The following TANC2 variants were observed in gnomAD, a reference collection of about 807,000 sequenced individuals.
TANC2 encodes tetratricopeptide repeat, ankyrin repeat and coiled-coil containing 2, also known as protein TANC2.
A neutral mutation model predicts 210.5 loss-of-function variants in TANC2; 26 were observed. The ratio of observed to expected loss-of-function variants is 0.12; its 90% CI spans 0.09 to 0.17. The LOEUF is 0.17. Among genes scored for constraint, TANC2 ranks in the 10% least tolerant of loss-of-function variants. The pLI, the probability that TANC2 is intolerant of heterozygous loss-of-function variation, is 1.00. For missense variants in TANC2, 2,129 were observed against 2,608.9 expected, an observed-to-expected ratio of 0.82 and a Z score of 4.01; for synonymous variants, 931 against 967.1, an observed-to-expected ratio of 0.96 and a Z score of 0.69.
At chr17:63,338,854 T>C (rs1001700482) in intron 11 of TANC2, 1 of 152,176 alleles carries the variant, frequency 6.6e-6, no homozygotes, top group African/African-American at 2.4e-5. Flanking sequence ...TTCAGGTGTT[T>C]AAAAAATATC....
At chr17:63,202,934 T>TATA (rs2041583127) in intron 7 of TANC2, among the ~76,000 whole-genome samples, 1 of 152,168 alleles carries the variant, frequency 6.6e-6, no homozygotes. Context: ...TTTTAAAATC[T>TATA]ATATGAACAC....
Position 63,098,476 on chromosome 17 carries a change from ACACATACACTCTCT to A in TANC2, c.140-697_140-684del, listed in dbSNP as rs1403954649. Among the ~76,000 whole-genome samples, 30 of 34,874 alleles carry A rather than the reference ACACATACACTCTCT, an allele frequency of 8.6e-4. 2 individuals are homozygous for A. The highest frequency in any genetic ancestry group is 4.0e-3 in the African/African-American group (22 of 5,532). 22.9% of individuals were successfully genotyped at this position (34,874 alleles called of 152,430 possible). A position where few individuals can be genotyped will look rare whatever the true frequency, so the allele number is the denominator to read the frequency against. On this transcript the variant is annotated intron_variant, in intron 3 of 27. Coordinates refer to ENST00000689528, the Ensembl canonical transcript of TANC2. ...CACACACACACACACACACACACACACACATACACTCTCTCTCTCTCTCTCTCTCTCTCTGTGTG... is the reference window on the plus strand; with the variant it reads ...CACACACACACACACACACACACACACTCTCTCTCTCTCTCTCTCTGTGTG...
intron 12 of TANC2, among the ~76,000 whole-genome samples, chr17:63,343,079 T>G (rs923127307): frequency 2.6e-5 from 4 of 152,188 alleles, no homozygotes; most frequent in African/African-American, 9.7e-5. Context: ...AATATTTTTT[T>G]TAGAGATAGA....
At chr17:63,425,839 A>G (rs999244413) in exon 28 of TANC2, 1 of 152,306 alleles carries the variant, frequency 6.6e-6, no homozygotes, top group African/African-American at 2.4e-5. Context: ...GGATGGGTAC[A>G]TGGAGAAGCC....
At chr17:63,193,919 T>C (rs2041261553) in intron 5 of TANC2, 72 bp from the exon 6 acceptor site, 1 of 1,418,346 alleles carries the variant, frequency 7.1e-7, no homozygotes, top group African/African-American at 1.4e-5. Flanking sequence ...CCAAAGTGAA[T>C]GTACAAATAG....
At chr17:63,324,117 A>G (rs924136912) in intron 11 of TANC2, among the ~76,000 whole-genome samples, 1 of 152,238 alleles carries the variant, frequency 6.6e-6, no homozygotes, top group African/African-American at 2.4e-5. Flanking sequence ...ATTCTTCTTC[A>G]AAAAAGGTTT....
intron 2 of TANC2, among the ~76,000 whole-genome samples, chr17:63,046,779 T>C (rs1204319091): frequency 6.6e-6 from 1 of 152,170 alleles, no homozygotes; most frequent in African/African-American, 2.4e-5. Context: ...AGACAAAATA[T>C]TATTTAGGCA....
In TANC2 at chr17:62,966,336, G is replaced by C. The variant is rs2031329488; in HGVS notation, c.-437G>C. Among the ~76,000 whole-genome samples, 1 of 146,760 alleles carries C rather than the reference G, an allele frequency of 6.8e-6. No individual in the cohort carries two copies. Among genetic ancestry groups the C allele is most frequent in the Non-Finnish European group, 1.5e-5 (1 of 65,948 alleles). On this transcript the variant is annotated 5_prime_UTR_variant, in exon 1 of 28. Transcript: ENST00000689528. This position sits in a 1 kb window ranked among gnomAD's most constrained non-coding sequence, Gnocchi z 5.1. ...CTCGCGCGAGCCGCCCGCCCGGCGGGGGAAGCTGCGAGCGCTCCGAGCGCC... is the reference window on the plus strand; with the variant it reads ...CTCGCGCGAGCCGCCCGCCCGGCGGCGGAAGCTGCGAGCGCTCCGAGCGCC...
intron 4 of TANC2, among the ~76,000 whole-genome samples, chr17:63,143,562 T>A (rs2039362952): frequency 6.6e-6 from 1 of 152,220 alleles, no homozygotes; most frequent in Admixed American, 6.5e-5. Context: ...TTTATTTTAA[T>A]CAGTAGAAAA....
chr17:63,296,718 C>T (rs2044547800), intron 9 of TANC2, among the ~76,000 whole-genome samples: 1 of 151,922 alleles, frequency 6.6e-6, no homozygotes, highest in African/African-American at 2.4e-5. Context: ...TCAACAGAGA[C>T]AGAAATTATA....
chr17:63,405,225 A>G (rs781566542), exon 20 of TANC2: 5 of 1,603,084 alleles, frequency 3.1e-6, no homozygotes, highest in Non-Finnish European at 4.3e-6. Context: ...CAGTGCCACT[A>G]TTCAGCACAG....
At chr17:63,123,537 C>T (rs1251364376) in intron 4 of TANC2, among the ~76,000 whole-genome samples, 3 of 140,996 alleles carry the variant, frequency 2.1e-5, no homozygotes, top group South Asian at 2.2e-4. Context: ...CCAGCCTGGG[C>T]GACAAGGTGA....
intron 9 of TANC2, among the ~76,000 whole-genome samples, chr17:63,271,203 C>T (rs1024888023): frequency 6.6e-6 from 1 of 151,988 alleles, no homozygotes; most frequent in East Asian, 1.9e-4. Flanking sequence ...ATTGAATGGC[C>T]GTTCTATTTT....
intron 5 of TANC2, among the ~76,000 whole-genome samples, chr17:63,169,137 C>T (rs2040313079): frequency 6.6e-6 from 1 of 152,122 alleles, no homozygotes. Context: ...TTCCTTCCTC[C>T]ATCTCCACCA....
intron 1 of TANC2, among the ~76,000 whole-genome samples, chr17:62,968,312 A>T (rs1342581505): frequency 6.6e-6 from 1 of 152,252 alleles, no homozygotes; most frequent in African/African-American, 2.4e-5. Flanking sequence ...TTGTAAAGAA[A>T]TTAAATTACA....
chr17:62,981,948 T>TC (rs201112566), intron 1 of TANC2, among the ~76,000 whole-genome samples: 3,052 of 152,266 alleles, frequency 0.02, 104 homozygotes, highest in African/African-American at 0.069. Context: ...TCAGGATACA[T>TC]CACCCTCCTG....
chr17:63,345,638 A>T lies in TANC2; in HGVS notation c.1807+5306A>T, dbSNP rs899895036. On this transcript the variant is annotated intron_variant, in intron 12 of 27. Transcript: ENST00000689528. Reference sequence around the variant, plus strand: ...CTGTCTCAAAAAAAAAAAAAAAAAAAACACATAATCCCAGCAGAATTTTTC... The same window carrying T: ...CTGTCTCAAAAAAAAAAAAAAAAAATACACATAATCCCAGCAGAATTTTTC... Among the ~76,000 whole-genome samples the T allele has an allele frequency of 9.9e-5, 15 of 151,618 alleles. No homozygotes were observed. In the South Asian group the frequency reaches 3.1e-3, roughly 32 times the overall value.
At chr17:63,317,511 A>G (rs1188261323) in intron 10 of TANC2, among the ~76,000 whole-genome samples, 1 of 152,142 alleles carries the variant, frequency 6.6e-6, no homozygotes, top group Non-Finnish European at 1.5e-5. Context: ...CTGTTGTATA[A>G]TTCAGGATTA....
At chr17:63,306,880 G>A (rs2044928791) in intron 9 of TANC2, among the ~76,000 whole-genome samples, 1 of 152,160 alleles carries the variant, frequency 6.6e-6, no homozygotes. Context: ...CTTGAGCCCA[G>A]GAATTTGAGG....
Sources: allele counts gnomAD v4.1 joint callset (sites outside exome capture counted in the v4.1 genomes callset), GRCh38; gene constraint gnomAD v4.1.1; non-coding constraint Gnocchi (gnomAD v3.1); transcripts MANE v1.5; gene names NCBI Gene and HGNC (gene_info 2026-07-23, HGNC 2026-07-21).